FRMD3: variants seen among roughly 807,000 people sequenced by gnomAD.
FRMD3 encodes the protein FERM domain containing 3.
In FRMD3, 33 loss-of-function variants were observed where a neutral mutation model predicts 70.2. The observed-to-expected ratio is 0.47, with a 90% CI of 0.36 to 0.63. FRMD3 has a LOEUF of 0.63. Among genes scored for constraint, FRMD3 ranks in the 20% least tolerant of loss-of-function variants. FRMD3 has a pLI of 0.00. For synonymous variants in FRMD3, 279 were observed against 255.9 expected (o/e 1.09, Z -0.86); for missense variants, 632 against 711.4 (o/e 0.89, Z 1.27).
rs375744509 is a variant in FRMD3, at chr9:83,538,208, C to T, written c.24G>A (p.Val8=). Residue 8 remains valine, a synonymous_variant, in exon 1 of 14, where the codon GTG becomes GTA. Transcript: ENST00000304195. This position sits in a 1 kb window ranked among gnomAD's most constrained non-coding sequence, Gnocchi z 4.7. ...TTTTCATGGTCCTCCTGCCTCTCGG[C>T]ACACAGTGGCAGGAGGCGAACATGC... The part of the protein sequence containing the change: MFASCHC[V]PRGRRTMKMI... The T allele has an allele frequency of 3.8e-6, 6 of 1,587,236 alleles. No homozygotes were observed. The African/African-American group carries it at 4.0e-5, about 11-fold the overall frequency.
chr9:83,577,826 TAAC>T, the FRMD3 span, among the ~76,000 whole-genome samples: 1 of 150,714 alleles, frequency 6.6e-6, no homozygotes, highest in Non-Finnish European at 1.5e-5. Context: ...AGGAAGGAAA[TAAC>T]AAAGATCAGA....
chr9:83,528,800 T>A (rs1694244130), intron 1 of FRMD3, among the ~76,000 whole-genome samples: 1 of 152,168 alleles, frequency 6.6e-6, no homozygotes, highest in Non-Finnish European at 1.5e-5. Flanking sequence ...AGTGCTGGGA[T>A]TACAGGCATG....
chr9:83,273,185 T>G (rs1170147093), intron 13 of FRMD3, among the ~76,000 whole-genome samples: 1 of 152,196 alleles, frequency 6.6e-6, no homozygotes, highest in Non-Finnish European at 1.5e-5. Flanking sequence ...TTTTGTCGAA[T>G]AGAAAAGGGG....
At chr9:83,348,176 T>C (rs1824023722) in intron 4 of FRMD3, among the ~76,000 whole-genome samples, 1 of 152,154 alleles carries the variant, frequency 6.6e-6, no homozygotes, top group Non-Finnish European at 1.5e-5. Context: ...TTTGATTTGA[T>C]CTTCCTAATT....
rs1033518545 is a variant in FRMD3, at chr9:83,538,301, G to A, written c.-70C>T. 289 of 1,474,372 alleles carry A rather than the reference G, an allele frequency of 2.0e-4. No individual in the cohort carries two copies. Among genetic ancestry groups the A allele is most frequent in the Non-Finnish European group, 1.8e-4 (197 of 1,098,792 alleles). 91.3% of individuals were successfully genotyped at this position (1,474,372 alleles called of 1,614,324 possible). Reference sequence around the variant, plus strand: ...GGTGCTCGCCTGCGCGGACACACACGCTCGCACGCACTGTCCGGGACACCT... The same window carrying A: ...GGTGCTCGCCTGCGCGGACACACACACTCGCACGCACTGTCCGGGACACCT... On this transcript the variant is annotated 5_prime_UTR_variant, in exon 1 of 14. Coordinates refer to ENST00000304195, the MANE Select transcript of FRMD3 (RefSeq NM_174938.6). The surrounding 1 kb of genome is among the most constrained non-coding windows in gnomAD (Gnocchi z 4.7).
rs144545257 is a variant in FRMD3, at chr9:83,283,738, T to G, written c.1195+6865A>C. Among the ~76,000 whole-genome samples, 5 of 152,196 alleles carry G rather than the reference T, an allele frequency of 3.3e-5. No homozygotes were observed. In the East Asian group the frequency reaches 9.7e-4, roughly 29 times the overall value. Reference sequence around the variant, plus strand: ...AGCAGCTGGAGACTATAGATGCCATTAGATAAGAATGTTCAGGATAGTCCA... The same window carrying G: ...AGCAGCTGGAGACTATAGATGCCATGAGATAAGAATGTTCAGGATAGTCCA... On this transcript the variant is annotated intron_variant, in intron 13 of 13. Transcript: ENST00000304195.
At chr9:83,550,688 G>C in the FRMD3 span, among the ~76,000 whole-genome samples, 3 of 13,040 alleles carry the variant, frequency 2.3e-4, no homozygotes, top group Non-Finnish European at 4.6e-4. Flanking sequence ...GTCCTAGGTA[G>C]TGTGTGTGTG....
intron 13 of FRMD3, among the ~76,000 whole-genome samples, chr9:83,278,868 G>A (rs1005425284): frequency 4.6e-5 from 7 of 152,144 alleles, no homozygotes; most frequent in African/African-American, 1.4e-4. Flanking sequence ...GCAACAGAGA[G>A]AGCAAACTAA....
chr9:83,498,951 G>C (rs1829003795), intron 1 of FRMD3, among the ~76,000 whole-genome samples: 1 of 152,026 alleles, frequency 6.6e-6, no homozygotes. Flanking sequence ...AGCTCTTCAG[G>C]CTTTCGAGAT....
intron 2 of FRMD3, among the ~76,000 whole-genome samples, chr9:83,374,923 T>C (rs1825094865): frequency 6.6e-6 from 1 of 152,250 alleles, no homozygotes; most frequent in African/African-American, 2.4e-5. Context: ...CAATACTTAC[T>C]GCAATTGTTT....
chr9:83,420,881 C>T (rs1826613977), intron 1 of FRMD3, among the ~76,000 whole-genome samples: 1 of 151,862 alleles, frequency 6.6e-6, no homozygotes, highest in East Asian at 1.9e-4. Flanking sequence ...GAAGCAAATA[C>T]TGGTCCCATG....
intron 1 of FRMD3, among the ~76,000 whole-genome samples, chr9:83,425,318 A>G (rs945767199): frequency 6.6e-6 from 1 of 152,166 alleles, no homozygotes; most frequent in Non-Finnish European, 1.5e-5. Context: ...CAGCCAGAGT[A>G]CAACCTGGGA....
chr9:83,484,444 G>C (rs536987315), intron 1 of FRMD3, among the ~76,000 whole-genome samples: 2 of 152,186 alleles, frequency 1.3e-5, no homozygotes, highest in African/African-American at 4.8e-5. Context: ...GTGTGGCAGG[G>C]TCTCACTCTG....
In FRMD3 at chr9:83,480,166, G is replaced by C. The variant is rs1004606543; in HGVS notation, c.147+57919C>G. ...ATGTTCATAGCATCACTTTCATACA[G>C]TAAAATCCTAGAAACAATCATGATG... On this transcript the variant is annotated intron_variant, in intron 1 of 13. Coordinates refer to ENST00000304195, the MANE Select transcript of FRMD3 (RefSeq NM_174938.6). Among the ~76,000 whole-genome samples, 3 of 152,260 alleles carry C rather than the reference G, an allele frequency of 2.0e-5. No individual in the cohort carries two copies. The East Asian group carries it at 5.8e-4, about 29-fold the overall frequency.
the FRMD3 span, among the ~76,000 whole-genome samples, chr9:83,544,324 A>C: frequency 6.6e-6 from 1 of 152,038 alleles, no homozygotes; most frequent in Non-Finnish European, 1.5e-5. Flanking sequence ...TGTGCATTTC[A>C]CCAGAAGCTC....
rs1215593613 is a variant in FRMD3 at position 83,537,844 on chromosome 9, G to A, written c.147+241C>T. Among the ~76,000 whole-genome samples the A allele has an allele frequency of 1.3e-5, 2 of 151,282 alleles. No homozygotes were observed. Among genetic ancestry groups the A allele is most frequent in the Non-Finnish European group, 3.0e-5 (2 of 67,740 alleles). On this transcript the variant is annotated intron_variant, in intron 1 of 13. Coordinates refer to ENST00000304195, the MANE Select transcript of FRMD3 (RefSeq NM_174938.6). This position sits in a 1 kb window ranked among gnomAD's most constrained non-coding sequence, Gnocchi z 4.1. Reference sequence around the variant, plus strand: ...GCGCAGTGAGACGCGCGCGCAGGGTGCACGCGAGGGGAAGGAGACTGGGCG... The same window carrying A: ...GCGCAGTGAGACGCGCGCGCAGGGTACACGCGAGGGGAAGGAGACTGGGCG...
chr9:83,264,960 G>C (rs544812358), intron 13 of FRMD3, among the ~76,000 whole-genome samples: 3 of 152,192 alleles, frequency 2.0e-5, no homozygotes, highest in African/African-American at 7.2e-5. Context: ...ATTTCATAGA[G>C]TTCAAGTAAA....
At chr9:83,392,208 T>C (rs1825684880) in intron 1 of FRMD3, among the ~76,000 whole-genome samples, 1 of 152,206 alleles carries the variant, frequency 6.6e-6, no homozygotes, top group African/African-American at 2.4e-5. Flanking sequence ...TTTGCAGTTC[T>C]GCCCTGGCCT....
intron 10 of FRMD3, among the ~76,000 whole-genome samples, chr9:83,300,711 T>C (rs529374325): frequency 1.6e-4 from 25 of 152,310 alleles, no homozygotes; most frequent in Non-Finnish European, 2.9e-4. Flanking sequence ...ATATATAAAA[T>C]ACATTTTTAA....
Sources: allele counts gnomAD v4.1 joint callset (sites outside exome capture counted in the v4.1 genomes callset), GRCh38; gene constraint gnomAD v4.1.1; non-coding constraint Gnocchi (gnomAD v3.1); transcripts MANE v1.5; gene names NCBI Gene and HGNC (gene_info 2026-07-23, HGNC 2026-07-21).